Variants in ITGA2 observed in about 807,000 individuals in gnomAD.
The protein encoded by ITGA2 is integrin subunit alpha 2, also known as integrin alpha-2.
Under a neutral mutation model 146.3 loss-of-function variants are expected in ITGA2, and 101 were observed. That is an observed-to-expected ratio of 0.69 (90% CI 0.59 to 0.81). The LOEUF (loss-of-function observed/expected upper bound fraction) is 0.81, where lower values mean the gene tolerates loss of function less well. ITGA2 is among the 40% of genes least tolerant of loss of function. ITGA2 has a pLI of 0.00. For missense variants in ITGA2, 1,281 were observed against 1,402.7 expected, an observed-to-expected ratio of 0.91 and a Z score of 1.39; for synonymous variants, 477 against 487.1, an observed-to-expected ratio of 0.98 and a Z score of 0.27.
chr5:53,081,466 C>T lies in ITGA2; in HGVS notation c.3040-126C>T, dbSNP rs759236479. The T allele has an allele frequency of 6.4e-5, 47 of 731,732 alleles. 1 individual carries two copies. Among genetic ancestry groups the T allele is most frequent in the Middle Eastern group, 3.6e-4 (1 of 2,742 alleles). 45.3% of individuals were successfully genotyped at this position (731,732 alleles called of 1,614,324 possible). A position where few individuals can be genotyped will look rare whatever the true frequency, so the allele number is the denominator to read the frequency against. ...ATATGAAGTGTGGCCAGGTCAGTGGCGTTGAAAGAAGCCTAACAGCCCTTC... is the reference window on the plus strand; with the variant it reads ...ATATGAAGTGTGGCCAGGTCAGTGGTGTTGAAAGAAGCCTAACAGCCCTTC... On this transcript the variant is annotated intron_variant, in intron 25 of 29. Coordinates refer to ENST00000296585, the MANE Select transcript of ITGA2 (RefSeq NM_002203.4).
At chr5:53,008,647 TC>T (rs1398899910) in intron 1 of ITGA2, among the ~76,000 whole-genome samples, 7 of 152,008 alleles carry the variant, frequency 4.6e-5, no homozygotes, top group Non-Finnish European at 7.4e-5. Context: ...CTAGAGTCTC[TC>T]TCTCTCTGCC....
intron 1 of ITGA2, among the ~76,000 whole-genome samples, chr5:52,995,912 G>A (rs1741219917): frequency 6.6e-6 from 1 of 152,196 alleles, no homozygotes; most frequent in Non-Finnish European, 1.5e-5. Context: ...AGCTGGAGAA[G>A]TAGAAAGACA....
chr5:53,031,728 G>A (rs957760850), intron 2 of ITGA2, among the ~76,000 whole-genome samples: 6 of 152,132 alleles, frequency 3.9e-5, no homozygotes, highest in African/African-American at 1.2e-4. Context: ...TTTAAAACAA[G>A]CTGACCTCCC....
chr5:52,995,619 T>G (rs1741203387), intron 1 of ITGA2, among the ~76,000 whole-genome samples: 1 of 152,206 alleles, frequency 6.6e-6, no homozygotes, highest in African/African-American at 2.4e-5. Context: ...AGGAAAAAGA[T>G]GATCAGTTCA....
At chr5:53,011,595 G>T (rs1357955820) in intron 1 of ITGA2, among the ~76,000 whole-genome samples, 1 of 151,962 alleles carries the variant, frequency 6.6e-6, no homozygotes, top group Non-Finnish European at 1.5e-5. Flanking sequence ...GTTTATCAAG[G>T]ATTTTTCTAC....
intron 15 of ITGA2, among the ~76,000 whole-genome samples, chr5:53,066,871 C>T (rs1341951459): frequency 6.6e-6 from 1 of 151,294 alleles, no homozygotes; most frequent in Non-Finnish European, 1.5e-5. Context: ...TATCCCAGAA[C>T]CTAAAGTATA....
chr5:52,991,076 G>A (rs897484319), intron 1 of ITGA2, among the ~76,000 whole-genome samples: 4 of 152,200 alleles, frequency 2.6e-5, no homozygotes, highest in African/African-American at 9.7e-5. Flanking sequence ...TGCAAGGCAT[G>A]AAGTCAGGAA....
chr5:52,991,726 C>T (rs1455359065), intron 1 of ITGA2, among the ~76,000 whole-genome samples: 1 of 152,146 alleles, frequency 6.6e-6, no homozygotes, highest in Non-Finnish European at 1.5e-5. Context: ...CACTTACATT[C>T]AAATTTGCTT....
chr5:53,081,554 T>C (rs757891431), intron 25 of ITGA2, 38 bp from the exon 26 acceptor site: 1 of 1,456,650 alleles, frequency 6.9e-7, no homozygotes, highest in Non-Finnish European at 9.6e-7. Flanking sequence ...ATAAACTGTT[T>C]TGCTTCTGAA....
intron 2 of ITGA2, among the ~76,000 whole-genome samples, chr5:53,029,102 T>G (rs1743097582): frequency 6.6e-6 from 1 of 151,954 alleles, no homozygotes; most frequent in Non-Finnish European, 1.5e-5. Context: ...CGAAACCCCA[T>G]CTCTACTAAA....
chr5:52,993,408 A>G lies in ITGA2; in HGVS notation c.64+3876A>G, dbSNP rs562042430. 5.3e-5 allele frequency among the ~76,000 whole-genome samples: 8 copies of G among 152,260 alleles called. No homozygotes were observed. In the South Asian group the frequency reaches 1.7e-3, roughly 32 times the overall value. ...ACAATGGCTCATATATTTCTGATGTATGGTCTGGTTTGGAAGTGATTGCTT... is the reference window on the plus strand; with the variant it reads ...ACAATGGCTCATATATTTCTGATGTGTGGTCTGGTTTGGAAGTGATTGCTT... On this transcript the variant is annotated intron_variant, in intron 1 of 29. Coordinates refer to ENST00000296585, the MANE Select transcript of ITGA2 (RefSeq NM_002203.4).
intron 6 of ITGA2, among the ~76,000 whole-genome samples, chr5:53,049,012 C>CTTT (rs111756330): frequency 6.9e-6 from 1 of 144,048 alleles, no homozygotes. Context: ...TGGGACATAA[C>CTTT]TTTTTTTTTT....
In ITGA2 at chr5:53,008,990, A is replaced by G. The variant is rs956148463; in HGVS notation, c.65-17758A>G. Among the ~76,000 whole-genome samples, 4 of 152,088 alleles carry G rather than the reference A, an allele frequency of 2.6e-5. No individual in the cohort carries two copies. In the East Asian group the frequency reaches 5.8e-4, roughly 22 times the overall value. On this transcript the variant is annotated intron_variant, in intron 1 of 29. Coordinates refer to ENST00000296585, the MANE Select transcript of ITGA2 (RefSeq NM_002203.4). ...CTATCAGTTCCCCTTTCCCCACTCTAGTCTCATAGTGTTACATGAAGGGGC... is the reference window on the plus strand; with the variant it reads ...CTATCAGTTCCCCTTTCCCCACTCTGGTCTCATAGTGTTACATGAAGGGGC...
intron 21 of ITGA2, among the ~76,000 whole-genome samples, chr5:53,074,696 A>G (rs1003741029): frequency 6.6e-6 from 1 of 152,068 alleles, no homozygotes; most frequent in Non-Finnish European, 1.5e-5. Flanking sequence ...CATACTATGG[A>G]AAGTTCTTTT....
chr5:53,087,933 C>T (rs1332536205), intron 28 of ITGA2, among the ~76,000 whole-genome samples: 2 of 152,212 alleles, frequency 1.3e-5, no homozygotes, highest in African/African-American at 2.4e-5. Context: ...CTATGGGCCT[C>T]CTCACTCCAT....
At chr5:53,055,487 ATT>A in intron 7 of ITGA2, 49 bp from the exon 8 acceptor site, 1 of 1,566,110 alleles carries the variant, frequency 6.4e-7, no homozygotes, top group Non-Finnish European at 8.8e-7. Flanking sequence ...AGGTTCTCAT[ATT>A]AACTTCATAT....
Position 53,078,966 on chromosome 5 carries a change from T to C in ITGA2, c.2928+92T>C. The C allele has an allele frequency of 6.4e-6, 5 of 775,906 alleles. No homozygotes were observed. In the Admixed American group the frequency reaches 7.8e-5, roughly 12 times the overall value. 48.1% of individuals were successfully genotyped at this position (775,906 alleles called of 1,614,324 possible). The stretch of plus-strand genomic sequence containing the variant: ...AATAAAAGGAGAAAGTAAAAAGAAA[T>C]TGAAAGAGATCCGTGGTTCTCAAAC... On this transcript the variant is annotated intron_variant, in intron 24 of 29. Transcript: ENST00000296585.
chr5:53,070,120 A>G lies in ITGA2; in HGVS notation c.2095A>G (p.Asn699Asp). 6.2e-7 allele frequency: 1 copy of G among 1,610,496 alleles called. No individual in the cohort carries two copies. The highest frequency in any genetic ancestry group is 8.5e-7 in the Non-Finnish European group (1 of 1,177,420). The part of the protein sequence containing the change: ...KQNNQVAIVY[N>D]ITLDADGFSS... ...TTTTTTTATCATAGCCATTGTATAT[A>G]ACATCACACTTGATGCAGATGGATT... The change falls in exon 17 of 30, where the codon AAC becomes GAC. Residue 699 changes from asparagine to aspartate, a missense_variant. Asn to Asp is a conservative substitution (Grantham distance 23). This residue lies in a region of ITGA2 where 795 missense variants were observed against 841.7 expected (regional missense o/e 0.94). Coordinates refer to ENST00000296585, the MANE Select transcript of ITGA2 (RefSeq NM_002203.4).
intron 1 of ITGA2, among the ~76,000 whole-genome samples, chr5:52,992,306 C>G (rs998470705): frequency 1.3e-5 from 2 of 152,126 alleles, no homozygotes; most frequent in African/African-American, 4.8e-5. Flanking sequence ...GAATCCTCCT[C>G]TTCATTCTGC....
Sources: gnomAD v4.1 joint callset for allele counts (sites outside exome capture counted in the v4.1 genomes callset) on GRCh38, gnomAD v4.1.1 for gene constraint, gnomAD v4.1.1 regional missense constraint, MANE v1.5 for transcripts, NCBI Gene and HGNC (gene_info 2026-07-23, HGNC 2026-07-21) for gene names.